KCNH1: variants seen among roughly 807,000 people sequenced by gnomAD.
KCNH1 encodes the protein potassium voltage-gated channel subfamily H member 1.
KCNH1 carries 27 observed loss-of-function variants against 69.2 expected under a neutral mutation model. The ratio of observed to expected loss-of-function variants is 0.39; its 90% CI spans 0.29 to 0.54. KCNH1 has a LOEUF of 0.54. Ranked by LOEUF, KCNH1 falls within the 20% of genes least tolerant of loss-of-function variation. The probability of loss-of-function intolerance (pLI) is 0.68; values close to 1 mark genes in which losing one functional copy is unlikely to be tolerated. For synonymous variants in KCNH1, 456 were observed against 487.7 expected (o/e 0.93, Z 0.86); for missense variants, 798 against 1,261.6 (o/e 0.63, Z 5.57).
At chr1:211,010,381 C>G (rs368294766) in intron 6 of KCNH1, among the ~76,000 whole-genome samples, 3 of 152,072 alleles carry the variant, frequency 2.0e-5, no homozygotes, top group African/African-American at 7.2e-5. Flanking sequence ...AGATGAGATC[C>G]CACCCTAATG....
chr1:211,056,922 A>G (rs919936084), intron 5 of KCNH1, among the ~76,000 whole-genome samples: 1 of 152,152 alleles, frequency 6.6e-6, no homozygotes. Flanking sequence ...CCCTCCCAAG[A>G]AAGATGGGTT....
intron 10 of KCNH1, among the ~76,000 whole-genome samples, chr1:210,774,586 T>C (rs916418165): frequency 9.9e-5 from 15 of 152,160 alleles, no homozygotes; most frequent in Non-Finnish European, 1.9e-4. Context: ...ATGACAACCT[T>C]TCCATATGAT....
At chr1:210,975,970 C>T (rs1688600482) in intron 6 of KCNH1, among the ~76,000 whole-genome samples, 1 of 152,186 alleles carries the variant, frequency 6.6e-6, no homozygotes, top group Non-Finnish European at 1.5e-5. Context: ...CAAAAGAAGA[C>T]ATTTATGCAG....
At chr1:210,921,121 A>T (rs966741374) in intron 6 of KCNH1, among the ~76,000 whole-genome samples, 1 of 152,196 alleles carries the variant, frequency 6.6e-6, no homozygotes, top group African/African-American at 2.4e-5. Context: ...TGGATTGAGG[A>T]TCTCTAAGTC....
chr1:210,940,357 C>T (rs1687855757), intron 6 of KCNH1, among the ~76,000 whole-genome samples: 1 of 152,158 alleles, frequency 6.6e-6, no homozygotes, highest in Non-Finnish European at 1.5e-5. Flanking sequence ...TAGCTGCCAT[C>T]ATAAAGACTG....
intron 6 of KCNH1, among the ~76,000 whole-genome samples, chr1:210,988,557 G>T (rs1688886179): frequency 6.6e-6 from 1 of 152,128 alleles, no homozygotes; most frequent in Non-Finnish European, 1.5e-5. Context: ...GCCATCACCA[G>T]GATTAATCTA....
At chr1:211,077,961 T>G (rs547785122) in intron 5 of KCNH1, among the ~76,000 whole-genome samples, 2 of 148,520 alleles carry the variant, frequency 1.3e-5, no homozygotes, top group Non-Finnish European at 3.0e-5. Context: ...AAAGCAGGGT[T>G]GCAATCCTAG....
Position 211,115,701 on chromosome 1 carries a change from CTATATATATATATATG to C in KCNH1, c.80-8340_80-8325del, listed in dbSNP as rs1322101724. ...GTAAGTTAATACTTAATAAACTCCCCTATATATATATATATGTATATATATATATACACACACACAC... is the reference window on the plus strand; with the variant it reads ...GTAAGTTAATACTTAATAAACTCCCCTATATATATATATACACACACACAC... On this transcript the variant is annotated intron_variant, in intron 1 of 10. Transcript: ENST00000271751. Among the ~76,000 whole-genome samples the C allele has an allele frequency of 2.0e-4, 14 of 70,792 alleles. 2 individuals carry two copies. The highest frequency in any genetic ancestry group is 3.6e-4 in the Non-Finnish European group (13 of 36,506). The allele number at this position is 70,792 out of a possible 152,430, so 46.4% of individuals were successfully genotyped here. A position where few individuals can be genotyped will look rare whatever the true frequency, so the allele number is the denominator to read the frequency against.
At chr1:210,786,136 T>C (rs1260613542) in intron 9 of KCNH1, among the ~76,000 whole-genome samples, 1 of 152,176 alleles carries the variant, frequency 6.6e-6, no homozygotes, top group Non-Finnish European at 1.5e-5. Context: ...TTAATCTTGC[T>C]CCTCACCCCC....
intron 7 of KCNH1, among the ~76,000 whole-genome samples, chr1:210,904,652 A>G (rs1687062987): frequency 6.6e-6 from 1 of 152,136 alleles, no homozygotes; most frequent in South Asian, 2.1e-4. Flanking sequence ...GACAATGTTC[A>G]CTAGGCAACA....
At chr1:210,733,288 GAGA>G (rs1682790375) in intron 10 of KCNH1, among the ~76,000 whole-genome samples, 1 of 152,164 alleles carries the variant, frequency 6.6e-6, no homozygotes, top group Non-Finnish European at 1.5e-5. Flanking sequence ...CTTGAGAAAG[GAGA>G]ATCAAAGCGC....
chr1:210,813,310 C>G (rs1684745479), intron 7 of KCNH1, among the ~76,000 whole-genome samples: 1 of 152,168 alleles, frequency 6.6e-6, no homozygotes, highest in African/African-American at 2.4e-5. Flanking sequence ...AAACTAAGCT[C>G]ATCATGCACA....
intron 1 of KCNH1, 23 bp from the exon 2 acceptor site, chr1:211,107,400 A>T: frequency 6.3e-7 from 1 of 1,593,374 alleles, no homozygotes; most frequent in Non-Finnish European, 8.6e-7. Context: ...AAAAAAAGGG[A>T]AAAAAGGGCA....
chr1:211,048,252 A>G (rs1216584620), intron 5 of KCNH1, among the ~76,000 whole-genome samples: 1 of 152,234 alleles, frequency 6.6e-6, no homozygotes, highest in East Asian at 1.9e-4. Context: ...AACTAGTACA[A>G]TCACTATGGA....
At chr1:211,098,312 C>A (rs1441014014) in intron 3 of KCNH1, among the ~76,000 whole-genome samples, 8 of 142,480 alleles carry the variant, frequency 5.6e-5, no homozygotes, top group African/African-American at 1.8e-4. Flanking sequence ...CATAGCCAGA[C>A]CCTGTCTTGA....
chr1:210,815,017 C>T (rs984494433), intron 7 of KCNH1, among the ~76,000 whole-genome samples: 3 of 152,100 alleles, frequency 2.0e-5, no homozygotes, highest in African/African-American at 7.2e-5. Context: ...GGTGAGTTTG[C>T]TCTGGTTCAA....
At chr1:210,749,894 C>A (rs989737335) in intron 10 of KCNH1, among the ~76,000 whole-genome samples, 7 of 152,258 alleles carry the variant, frequency 4.6e-5, no homozygotes, top group African/African-American at 1.7e-4. Flanking sequence ...AGGCACACAC[C>A]ACCATGCCTG....
chr1:211,010,645 C>T (rs1689375705), intron 6 of KCNH1, among the ~76,000 whole-genome samples: 1 of 152,128 alleles, frequency 6.6e-6, no homozygotes, highest in African/African-American at 2.4e-5. Context: ...CTGGATTCTC[C>T]CACAAGGCTA....
intron 7 of KCNH1, among the ~76,000 whole-genome samples, chr1:210,852,117 C>T (rs1685719576): frequency 6.6e-6 from 1 of 152,322 alleles, no homozygotes; most frequent in Admixed American, 6.5e-5. Context: ...GAGAATGAGG[C>T]TTTTTCCCTC....
Sources: allele counts gnomAD v4.1 joint callset (sites outside exome capture counted in the v4.1 genomes callset), GRCh38; gene constraint gnomAD v4.1.1; transcripts MANE v1.5; gene names NCBI Gene and HGNC (gene_info 2026-07-23, HGNC 2026-07-21).